TMEM45A: variants seen among roughly 807,000 people sequenced by gnomAD.
TMEM45A encodes transmembrane protein 45A, also known as DNA polymerase-transactivated protein 4.
A neutral mutation model predicts 32.0 loss-of-function variants in TMEM45A; 25 were observed. That is an observed-to-expected ratio of 0.78 (90% CI 0.57 to 1.09). The LOEUF (loss-of-function observed/expected upper bound fraction) is 1.09, where lower values mean the gene tolerates loss of function less well. TMEM45A is among the 50% of genes least tolerant of loss of function. TMEM45A has a pLI of 0.00. For synonymous variants in TMEM45A, 122 were observed against 114.8 expected, an observed-to-expected ratio of 1.06 and a Z score of -0.40; for missense variants, 302 against 325.0, an observed-to-expected ratio of 0.93 and a Z score of 0.54.
rs1415388159 is a variant in TMEM45A, at chr3:100,576,841, G to C, written c.735-84G>C. ...CTTCCCCAGTTGCCCAAATAATCTA[G>C]ACTTTGTGGTATAATGGGTGCATAT... On this transcript the variant is annotated intron_variant, in intron 5 of 5. Coordinates refer to ENST00000323523, the MANE Select transcript of TMEM45A (RefSeq NM_018004.3). 1.6e-5 allele frequency: 17 copies of C among 1,048,466 alleles called. 1 individual carries two copies. Among genetic ancestry groups the C allele is most frequent in the Non-Finnish European group, 2.2e-5 (15 of 693,154 alleles). The allele number at this position is 1,048,466 out of a possible 1,614,324, so 64.9% of individuals were successfully genotyped here.
intron 1 of TMEM45A, among the ~76,000 whole-genome samples, chr3:100,504,047 T>C (rs1304154850): frequency 6.6e-6 from 1 of 152,194 alleles, no homozygotes; most frequent in Non-Finnish European, 1.5e-5. Context: ...CTCTAGCCTC[T>C]GTATCCTGAA....
intron 5 of TMEM45A, chr3:100,572,676 A>T (rs1162407988): frequency 6.6e-6 from 1 of 152,052 alleles, no homozygotes; most frequent in Non-Finnish European, 1.5e-5. Flanking sequence ...GTCCTTGCCC[A>T]TGCCTATGTC....
In TMEM45A at chr3:100,564,162, A is replaced by G. The variant is rs186627655; in HGVS notation, c.589-4660A>G. On this transcript the variant is annotated intron_variant, in intron 4 of 5. Transcript: ENST00000323523. Reference sequence around the variant, plus strand: ...AAGAAGGGAAAGAGGAAGTTATTGTAAAGTACCTTGCTAATTTCAACTAAT... The same window carrying G: ...AAGAAGGGAAAGAGGAAGTTATTGTGAAGTACCTTGCTAATTTCAACTAAT... Among the ~76,000 whole-genome samples, 81 of 152,330 alleles carry G rather than the reference A, an allele frequency of 5.3e-4. 1 individual carries two copies. The highest frequency in any genetic ancestry group is 9.8e-4 in the Admixed American group (15 of 15,298).
At chr3:100,507,527 G>A (rs1451822039) in intron 1 of TMEM45A, among the ~76,000 whole-genome samples, 2 of 152,154 alleles carry the variant, frequency 1.3e-5, no homozygotes, top group Non-Finnish European at 2.9e-5. Flanking sequence ...TTTTAAAGGA[G>A]GGGGTCTTAA....
chr3:100,529,004 G>T (rs1705599193), intron 1 of TMEM45A, among the ~76,000 whole-genome samples: 1 of 152,172 alleles, frequency 6.6e-6, no homozygotes, highest in African/African-American at 2.4e-5. Context: ...CACTGCAAAT[G>T]AAGCTCCTAT....
At chr3:100,564,637 C>G (rs1431495242) in intron 4 of TMEM45A, among the ~76,000 whole-genome samples, 2 of 152,138 alleles carry the variant, frequency 1.3e-5, no homozygotes, top group African/African-American at 4.8e-5. Flanking sequence ...CACATGCCAC[C>G]AGGCCTAGCT....
At chr3:100,523,673 CCCCCTCCTTT>C (rs1705481454) in intron 1 of TMEM45A, among the ~76,000 whole-genome samples, 1 of 144,768 alleles carries the variant, frequency 6.9e-6, no homozygotes, top group Admixed American at 7.2e-5. Flanking sequence ...TCTTCCTCCT[CCCCCTCCTTT>C]CTCCTCCTTC....
chr3:100,560,935 C>G (rs925960016), intron 4 of TMEM45A, among the ~76,000 whole-genome samples: 18 of 152,120 alleles, frequency 1.2e-4, no homozygotes, highest in African/African-American at 4.3e-4. Context: ...ATATTTCCCC[C>G]AAAAGCTTTT....
intron 1 of TMEM45A, among the ~76,000 whole-genome samples, chr3:100,514,161 T>C (rs1407465244): frequency 1.3e-5 from 2 of 152,188 alleles, no homozygotes; most frequent in South Asian, 4.1e-4. Flanking sequence ...AGAGCCCGCA[T>C]TGCCAAGTCA....
intron 4 of TMEM45A, among the ~76,000 whole-genome samples, chr3:100,563,800 CT>C (rs1337328742): frequency 6.6e-6 from 1 of 152,114 alleles, no homozygotes; most frequent in African/African-American, 2.4e-5. Flanking sequence ...GTGAGCTTTC[CT>C]AGCAGTATAT....
chr3:100,531,118 CT>C (rs1470385981), intron 1 of TMEM45A, among the ~76,000 whole-genome samples: 1 of 152,008 alleles, frequency 6.6e-6, no homozygotes, highest in East Asian at 1.9e-4. Context: ...ATGTAAAATT[CT>C]AAATTCGATC....
chr3:100,520,608 C>T (rs964382738), intron 1 of TMEM45A, among the ~76,000 whole-genome samples: 9 of 152,150 alleles, frequency 5.9e-5, no homozygotes, highest in Non-Finnish European at 8.8e-5. Context: ...CCCTCTTGTA[C>T]GCCCCACACA....
chr3:100,529,865 G>A (rs962792473), intron 1 of TMEM45A, among the ~76,000 whole-genome samples: 2 of 152,024 alleles, frequency 1.3e-5, no homozygotes, highest in Admixed American at 6.6e-5. Context: ...TGATCCACAT[G>A]CCTCGGTCTC....
At chr3:100,553,573 A>T (rs1045442364) in intron 1 of TMEM45A, among the ~76,000 whole-genome samples, 2 of 152,174 alleles carry the variant, frequency 1.3e-5, no homozygotes, top group Admixed American at 6.5e-5. Flanking sequence ...ATCCCATATG[A>T]TTGCCTAAAC....
At chr3:100,494,950 C>A (rs911836311) in intron 1 of TMEM45A, among the ~76,000 whole-genome samples, 1 of 152,136 alleles carries the variant, frequency 6.6e-6, no homozygotes, top group South Asian at 2.1e-4. Context: ...GGGGTTGTCT[C>A]GAGTACTGAG....
rs192951580 is a variant in TMEM45A at position 100,508,047 on chromosome 3, G to A, written c.-4+15119G>A. Among the ~76,000 whole-genome samples, 730 of 151,922 alleles carry A rather than the reference G, an allele frequency of 4.8e-3. 2 individuals are homozygous for A. Among genetic ancestry groups the A allele is most frequent in the Non-Finnish European group, 8.6e-3 (583 of 67,964 alleles). ...CTCTCAGGCATGGAAGGAGAGGAAA[G>A]CAAAGCAGCTGGCCCAGCTGAGATC... is the stretch of plus-strand genomic sequence containing the variant. On this transcript the variant is annotated intron_variant, in intron 1 of 5. Coordinates refer to ENST00000323523, the MANE Select transcript of TMEM45A (RefSeq NM_018004.3).
chr3:100,517,878 A>G (rs1172427527), intron 1 of TMEM45A, among the ~76,000 whole-genome samples: 3 of 152,228 alleles, frequency 2.0e-5, no homozygotes, highest in Non-Finnish European at 2.9e-5. Flanking sequence ...GCATCCTTTT[A>G]GGAAAGACTG....
At position 100,558,274 on chromosome 3, in the gene TMEM45A, A is replaced by T. The variant is rs1706262270; in HGVS notation, c.404-131A>T. On this transcript the variant is annotated intron_variant, in intron 3 of 5. Transcript: ENST00000323523. ...TCTCCAAAAATGCAGTACTGTGGGA[A>T]TCAGTGGGCGCCTGCTCTTTTGGAC... 3 of 1,018,216 alleles carry T rather than the reference A, an allele frequency of 2.9e-6. No individual in the cohort carries two copies. In the East Asian group the frequency reaches 7.5e-5, roughly 26 times the overall value. The allele number at this position is 1,018,216 out of a possible 1,614,324, so 63.1% of individuals were successfully genotyped here.
chr3:100,543,185 A>G (rs1705920826), intron 1 of TMEM45A, among the ~76,000 whole-genome samples: 2 of 152,212 alleles, frequency 1.3e-5, no homozygotes, highest in South Asian at 4.1e-4. Context: ...TTATTCAAAA[A>G]TCTTTTACTG....
Sources: allele counts gnomAD v4.1 joint callset (sites outside exome capture counted in the v4.1 genomes callset), GRCh38; gene constraint gnomAD v4.1.1; transcripts MANE v1.5; gene names NCBI Gene and HGNC (gene_info 2026-07-23, HGNC 2026-07-21).